TBC1D9: variants seen among roughly 807,000 people sequenced by gnomAD.
The protein encoded by TBC1D9 is TBC1 domain family member 9A.
A neutral mutation model predicts 132.0 loss-of-function variants in TBC1D9; 63 were observed. That is an observed-to-expected ratio of 0.48 (90% CI 0.39 to 0.59). The LOEUF (loss-of-function observed/expected upper bound fraction) is 0.59. Among genes scored for constraint, TBC1D9 ranks in the 20% least tolerant of loss-of-function variants. The probability of loss-of-function intolerance (pLI) is 0.00; values close to 1 mark genes in which losing one functional copy is unlikely to be tolerated. For synonymous variants in TBC1D9, 610 were observed against 609.9 expected (o/e 1.00, Z 0.00); for missense variants, 1,261 against 1,592.7 (o/e 0.79, Z 3.54).
chr4:140,623,115 C>G (rs537843467), intron 20 of TBC1D9, among the ~76,000 whole-genome samples, 198 bp from the exon 21 acceptor site: 1 of 152,246 alleles, frequency 6.6e-6, no homozygotes, highest in Non-Finnish European at 1.5e-5. Flanking sequence ...GACAGGGTCT[C>G]TCTTTGTCGC....
At chr4:140,734,555 GC>G (rs1738645176) in intron 1 of TBC1D9, among the ~76,000 whole-genome samples, 1 of 152,336 alleles carries the variant, frequency 6.6e-6, no homozygotes, top group East Asian at 1.9e-4. Flanking sequence ...GCTTTGGAAG[GC>G]TGAGATTGGA....
At chr4:140,694,181 G>A (rs1006502085) in intron 2 of TBC1D9, among the ~76,000 whole-genome samples, 1 of 152,078 alleles carries the variant, frequency 6.6e-6, no homozygotes, top group Non-Finnish European at 1.5e-5. Flanking sequence ...CACTAAGATT[G>A]TTCAAAATAC....
chr4:140,650,730 T>G (rs1737176217), intron 13 of TBC1D9, among the ~76,000 whole-genome samples: 1 of 151,992 alleles, frequency 6.6e-6, no homozygotes, highest in South Asian at 2.1e-4. Context: ...AGACGGGGTT[T>G]TGCCACGTTG....
intron 13 of TBC1D9, among the ~76,000 whole-genome samples, chr4:140,647,675 G>C (rs919672911): frequency 2.0e-5 from 3 of 152,186 alleles, no homozygotes; most frequent in Admixed American, 2.0e-4. Flanking sequence ...AGAGCCCCGT[G>C]TGTCTTAGAT....
At chr4:140,697,531 G>A (rs1028736167) in intron 2 of TBC1D9, among the ~76,000 whole-genome samples, 4 of 152,116 alleles carry the variant, frequency 2.6e-5, no homozygotes, top group African/African-American at 7.2e-5. Flanking sequence ...AACCATTCTG[G>A]GTTTATTATA....
chr4:140,679,279 C>A (rs545250449), intron 4 of TBC1D9, 76 bp from the exon 5 acceptor site: 1 of 1,474,330 alleles, frequency 6.8e-7, no homozygotes, highest in South Asian at 1.3e-5. Context: ...CTCACAACCC[C>A]ACTCCCCCAT....
Position 140,661,982 on chromosome 4 carries a change from G to T in TBC1D9, c.1714C>A (p.Pro572Thr). The change falls in exon 10 of 21, where the codon CCA (proline) becomes ACA (threonine). Residue 572 changes from proline to threonine, a missense_variant. Around this residue, in one of 3 missense-constraint regions of TBC1D9, gnomAD observed 93 missense variants for 169.2 expected, o/e 0.55. Coordinates refer to ENST00000442267, the MANE Select transcript of TBC1D9 (RefSeq NM_015130.3). ...ATGCCCATTTCATTCTGAAAAGCTG[G>T]GTGTTCTGGAAGGGAGCGGTGTAAA... ...RDLHRSLPEH[P>T]AFQNEMGIAA... 6.2e-7 allele frequency: 1 copy of T among 1,613,974 alleles called. No individual in the cohort carries two copies. Among genetic ancestry groups the T allele is most frequent in the Non-Finnish European group, 8.5e-7 (1 of 1,179,896 alleles).
At chr4:140,644,607 C>T (rs561209534) in intron 13 of TBC1D9, 7 of 371,534 alleles carry the variant, frequency 1.9e-5, no homozygotes, top group Admixed American at 3.8e-5. Context: ...GCCTGGTACT[C>T]CTCTGCGCCT....
chr4:140,688,917 C>T (rs34559312), intron 2 of TBC1D9, among the ~76,000 whole-genome samples: 1 of 152,094 alleles, frequency 6.6e-6, no homozygotes, highest in Non-Finnish European at 1.5e-5. Flanking sequence ...CAGAGCCCTT[C>T]CTTGTCTGTA....
At chr4:140,671,251 G>T (rs1233240939) in intron 6 of TBC1D9, among the ~76,000 whole-genome samples, 1 of 152,138 alleles carries the variant, frequency 6.6e-6, no homozygotes, top group East Asian at 1.9e-4. Flanking sequence ...GGATACTACT[G>T]GCATCTGGTA....
chr4:140,745,787 A>G (rs1038121010), intron 1 of TBC1D9, among the ~76,000 whole-genome samples: 2 of 152,144 alleles, frequency 1.3e-5, no homozygotes, highest in East Asian at 3.9e-4. Context: ...CCCCCTGTGT[A>G]TTTATAAATA....
chr4:140,670,667 T>C (rs1737520446), intron 7 of TBC1D9, 53 bp downstream of exon 7: 1 of 1,503,370 alleles, frequency 6.7e-7, no homozygotes, highest in Non-Finnish European at 9.2e-7. Context: ...CTGAACACAC[T>C]TGGGCACAGG....
intron 10 of TBC1D9, among the ~76,000 whole-genome samples, chr4:140,661,487 T>A (rs1485268155): frequency 6.6e-6 from 1 of 152,134 alleles, no homozygotes; most frequent in Non-Finnish European, 1.5e-5. Flanking sequence ...CAGGGTGGGA[T>A]GAAGGTTGAG....
In TBC1D9 at chr4:140,678,942, C is replaced by T. The variant is rs1737664760; in HGVS notation, c.851G>A (p.Arg284His). 1.9e-6 allele frequency: 3 copies of T among 1,613,118 alleles called. No individual in the cohort carries two copies. The highest frequency in any genetic ancestry group is 2.5e-6 in the Non-Finnish European group (3 of 1,179,362). The change falls in exon 5 of 21, where the codon CGT (arginine) becomes CAT (histidine). Residue 284 changes from arginine to histidine, a missense_variant and splice_region_variant. By Grantham distance (29) the Arg-to-His change is conservative (BLOSUM62 0). Transcript: ENST00000442267. Reference sequence around the variant, plus strand: ...AAGATACAAGGTCTCTATCACCCACCGTTTTAGAGCAGACACTTTTTTAGG... The same window carrying T: ...AAGATACAAGGTCTCTATCACCCACTGTTTTAGAGCAGACACTTTTTTAGG... ...KSPKKVSALK[R>H]DLDARAKSER...
At chr4:140,734,527 C>T (rs534358785) in intron 1 of TBC1D9, among the ~76,000 whole-genome samples, 1 of 152,326 alleles carries the variant, frequency 6.6e-6, no homozygotes, top group Non-Finnish European at 1.5e-5. Context: ...TGCGGTGGCT[C>T]ACTCCTATAA....
chr4:140,622,818 G>T lies in TBC1D9; in HGVS notation c.3178C>A (p.Leu1060Met). Reference sequence around the variant, plus strand: ...TTGCCGACCTCCCCAATCTCCAGCAGGAGGCTGGTCACTGCTGCCGTGGCG... The same window carrying T: ...TTGCCGACCTCCCCAATCTCCAGCATGAGGCTGGTCACTGCTGCCGTGGCG... ...YHATAAVTSL[L>M]LEIGEVGKLF... Residue 1060 changes from leucine (L) to methionine (M), a missense_variant, in exon 21 of 21, where the codon CTG becomes ATG. Physicochemically the swap from Leu to Met is conservative, Grantham distance 15 (BLOSUM62 2). Coordinates refer to ENST00000442267, the MANE Select transcript of TBC1D9 (RefSeq NM_015130.3). The T allele has an allele frequency of 6.2e-7, 1 of 1,600,936 alleles. No homozygotes were observed.
At chr4:140,650,593 C>T (rs1308916218) in intron 13 of TBC1D9, among the ~76,000 whole-genome samples, 3 of 152,136 alleles carry the variant, frequency 2.0e-5, no homozygotes, top group African/African-American at 4.8e-5. Flanking sequence ...AGTGCAATGG[C>T]GAGATCTTGG....
Position 140,736,350 on chromosome 4 carries a change from G to A in TBC1D9, c.130+19566C>T, listed in dbSNP as rs140118206. On this transcript the variant is annotated intron_variant, in intron 1 of 20. Transcript: ENST00000442267. The stretch of plus-strand genomic sequence containing the variant: ...GAGGTCAGGAGTTTGAGACCAGCCT[G>A]GCCAACATGGTGAAACCCCATCTCT... Among the ~76,000 whole-genome samples the A allele has an allele frequency of 8.7e-3, 1,316 of 152,126 alleles. 16 individuals carry two copies. Among genetic ancestry groups the A allele is most frequent in the African/African-American group, 0.029 (1,218 of 41,506 alleles).
At chr4:140,688,038 A>G (rs776506059) in intron 2 of TBC1D9, among the ~76,000 whole-genome samples, 54 of 152,236 alleles carry the variant, frequency 3.5e-4, no homozygotes, top group Non-Finnish European at 5.9e-4. Context: ...GCAGTGAGCC[A>G]TGATCACACC....
Sources: allele counts gnomAD v4.1 joint callset (sites outside exome capture counted in the v4.1 genomes callset), GRCh38; gene constraint gnomAD v4.1.1; regional missense constraint gnomAD v4.1.1; transcripts MANE v1.5; gene names NCBI Gene and HGNC (gene_info 2026-07-23, HGNC 2026-07-21).